Variants in KATNIP observed in about 807,000 individuals in gnomAD.
KATNIP encodes katanin interacting protein.
Under a neutral mutation model 174.0 loss-of-function variants are expected in KATNIP, and 126 were observed. The observed-to-expected ratio is 0.72, with a 90% CI of 0.63 to 0.84. KATNIP has a LOEUF of 0.84. Among genes scored for constraint, KATNIP ranks in the 40% least tolerant of loss-of-function variants. KATNIP has a pLI of 0.00. For synonymous variants in KATNIP, 810 were observed against 835.7 expected (o/e 0.97, Z 0.53); for missense variants, 1,958 against 2,109.7 (o/e 0.93, Z 1.41).
chr16:27,715,335 TAGA>T (rs1206130510), intron 13 of KATNIP, among the ~76,000 whole-genome samples: 7 of 152,214 alleles, frequency 4.6e-5, no homozygotes, highest in African/African-American at 1.2e-4. Flanking sequence ...TTCAAACTCT[TAGA>T]AGAAGACAAA....
chr16:27,591,193 T>C (rs2075149671), intron 2 of KATNIP, among the ~76,000 whole-genome samples: 2 of 151,954 alleles, frequency 1.3e-5, no homozygotes, highest in African/African-American at 2.4e-5. Context: ...TTCTTTCTTT[T>C]TTTTTTTTTT....
At chr16:27,576,971 C>T (rs907784938) in intron 2 of KATNIP, among the ~76,000 whole-genome samples, 1 of 152,078 alleles carries the variant, frequency 6.6e-6, no homozygotes, top group African/African-American at 2.4e-5. Flanking sequence ...AGAGTGAACA[C>T]GTAGTTTCCA....
intron 2 of KATNIP, among the ~76,000 whole-genome samples, chr16:27,588,878 CTTTTTTTTTTTT>C (rs11346883): frequency 2.6e-5 from 2 of 78,098 alleles, no homozygotes; most frequent in Non-Finnish European, 4.6e-5. Flanking sequence ...CAACTCTATT[CTTTTTTTTTTTT>C]TTTTTTTTTG....
intron 4 of KATNIP, 132 bp downstream of exon 4, chr16:27,628,962 G>A (rs1029395947): frequency 8.1e-6 from 7 of 864,816 alleles, no homozygotes; most frequent in East Asian, 7.7e-5. Flanking sequence ...GAGGCCAAGA[G>A]TTCCAGACCA....
chr16:27,578,120 A>G lies in KATNIP; in HGVS notation c.63+4164A>G, dbSNP rs184959071. Among the ~76,000 whole-genome samples the G allele has an allele frequency of 2.0e-5, 3 of 152,256 alleles. No individual in the cohort carries two copies. In the East Asian group the frequency reaches 5.8e-4, roughly 29 times the overall value. On this transcript the variant is annotated intron_variant, in intron 2 of 27. Transcript: ENST00000261588. ...ATTTTTTAATCCCCTAAGTGGTTCC[A>G]ATGTGCAGCCATGCATGAGAACCAG...
intron 1 of KATNIP, among the ~76,000 whole-genome samples, chr16:27,566,308 G>C (rs976990598): frequency 1.3e-5 from 2 of 152,288 alleles, no homozygotes; most frequent in Middle Eastern, 3.4e-3. Context: ...GGAGGCCAAG[G>C]CAGGCAGATC....
intron 1 of KATNIP, among the ~76,000 whole-genome samples, chr16:27,555,874 T>C (rs978863320): frequency 6.6e-6 from 1 of 151,154 alleles, no homozygotes; most frequent in South Asian, 2.1e-4. Context: ...GCGCGGTGGC[T>C]CATGCCTGAC....
intron 2 of KATNIP, among the ~76,000 whole-genome samples, chr16:27,598,461 C>T (rs1438629965): frequency 6.6e-6 from 1 of 152,172 alleles, no homozygotes; most frequent in Non-Finnish European, 1.5e-5. Context: ...TGTGGCTACT[C>T]AGCCACTGAA....
chr16:27,744,357 C>A (rs749507198), intron 15 of KATNIP, among the ~76,000 whole-genome samples: 3 of 152,032 alleles, frequency 2.0e-5, no homozygotes, highest in Admixed American at 2.0e-4. Flanking sequence ...AAGACTCCAT[C>A]TCTACAAAAG....
chr16:27,698,354 CT>C lies in KATNIP; in HGVS notation c.968del (p.Leu323ArgfsTer113), dbSNP rs1567313560. The C allele has an allele frequency of 6.2e-7, 1 of 1,612,370 alleles. No homozygotes were observed. The highest frequency in any genetic ancestry group is 2.2e-5 in the East Asian group (1 of 44,834). On this transcript the variant is annotated frameshift_variant, in exon 9 of 28. Transcript: ENST00000261588. LOFTEE classifies it high-confidence loss of function. ...SRPGSRRERPLSATRKTLCEA... is the reference protein window; with the variant it reads ...SRPGSRRERPXSATRKTLCEA... ...ACCTGGAAGCCGGCGAGAGAGACCC[CT>C]GTCTGCAACCCGCAAAACTCTTTGC...
chr16:27,671,782 G>A (rs1266988881), intron 6 of KATNIP, among the ~76,000 whole-genome samples: 3 of 152,322 alleles, frequency 2.0e-5, no homozygotes, highest in South Asian at 2.1e-4. Context: ...CAGGCCAGGC[G>A]CAGTGGCTCG....
intron 1 of KATNIP, among the ~76,000 whole-genome samples, chr16:27,554,249 G>A (rs929157492): frequency 1.3e-5 from 2 of 152,166 alleles, no homozygotes; most frequent in African/African-American, 4.8e-5. Context: ...GATCACCTGA[G>A]GTCGGGAGTT....
chr16:27,582,720 G>A (rs1320855909), intron 2 of KATNIP, among the ~76,000 whole-genome samples: 1 of 152,124 alleles, frequency 6.6e-6, no homozygotes, highest in Non-Finnish European at 1.5e-5. Flanking sequence ...TCTATAAGAT[G>A]GGGATGATAT....
At position 27,618,248 on chromosome 16, in the gene KATNIP, G is replaced by A. The variant is rs532914177; in HGVS notation, c.64-177G>A. Among the ~76,000 whole-genome samples, 265 of 152,208 alleles carry A rather than the reference G, an allele frequency of 1.7e-3. 1 individual carries two copies. The highest frequency in any genetic ancestry group is 6.8e-3 in the Middle Eastern group (2 of 294). On this transcript the variant is annotated intron_variant, in intron 2 of 27. Coordinates refer to ENST00000261588, the MANE Select transcript of KATNIP (RefSeq NM_015202.5). ...AGGTGTGTATGCCTAAGACCCATGG[G>A]GCCATCAGACAGTCTCTGGGGCTCC...
At chr16:27,727,607 G>A (rs975481213) in intron 14 of KATNIP, 5 of 152,258 alleles carry the variant, frequency 3.3e-5, no homozygotes, top group African/African-American at 1.2e-4. Flanking sequence ...CTGGATGAGG[G>A]TGTCAGTGCT....
intron 2 of KATNIP, among the ~76,000 whole-genome samples, chr16:27,583,862 G>C (rs1218897439): frequency 6.6e-6 from 1 of 152,204 alleles, no homozygotes; most frequent in Non-Finnish European, 1.5e-5. Flanking sequence ...AGTCCCTCTT[G>C]ACTCTGCCTT....
intron 5 of KATNIP, among the ~76,000 whole-genome samples, chr16:27,634,048 GTTC>G (rs1039424703): frequency 9.9e-5 from 15 of 152,254 alleles, no homozygotes; most frequent in African/African-American, 3.6e-4. Context: ...ACTTAAGACA[GTTC>G]TTCTACTTGT....
At chr16:27,613,062 C>G (rs989511255) in intron 2 of KATNIP, among the ~76,000 whole-genome samples, 1 of 151,904 alleles carries the variant, frequency 6.6e-6, no homozygotes, top group Non-Finnish European at 1.5e-5. Context: ...AGTCCGAGAC[C>G]AGCCCGGGCA....
rs759814797 is a variant in KATNIP at position 27,761,623 on chromosome 16, C to A, written c.3809+33C>A. ...TCTATCAGAAGCTTTACTTTCATGC[C>A]CACTGGGTTTTGGGGACATTGTTCT... is the stretch of plus-strand genomic sequence containing the variant. On this transcript the variant is annotated intron_variant, in intron 19 of 27. Coordinates refer to ENST00000261588, the MANE Select transcript of KATNIP (RefSeq NM_015202.5). The A allele has an allele frequency of 6.4e-5, 101 of 1,575,634 alleles. 2 individuals are homozygous for A. Among genetic ancestry groups the A allele is most frequent in the South Asian group, 2.4e-4 (22 of 90,316 alleles).
Sources: allele counts gnomAD v4.1 joint callset (sites outside exome capture counted in the v4.1 genomes callset), GRCh38; gene constraint gnomAD v4.1.1; transcripts MANE v1.5; gene names NCBI Gene and HGNC (gene_info 2026-07-23, HGNC 2026-07-21).